CAP1: variants seen among roughly 807,000 people sequenced by gnomAD.
The protein encoded by CAP1 is cyclase associated actin cytoskeleton regulatory protein 1, also known as adenylyl cyclase-associated protein 1.
CAP1 carries 11 observed loss-of-function variants against 58.2 expected under a neutral mutation model. That is an observed-to-expected ratio of 0.19 (90% CI 0.12 to 0.31). The LOEUF is 0.31. CAP1 is among the 10% of genes least tolerant of loss of function. The pLI, the probability that CAP1 is intolerant of heterozygous loss-of-function variation, is 1.00. For synonymous variants in CAP1, 183 were observed against 213.8 expected (o/e 0.86, Z 1.26); for missense variants, 423 against 587.5 (o/e 0.72, Z 2.89).
chr1:40,053,275 A>G (rs1646463291), intron 1 of CAP1, among the ~76,000 whole-genome samples: 1 of 152,204 alleles, frequency 6.6e-6, no homozygotes, highest in Admixed American at 6.6e-5. Context: ...GACACCATAA[A>G]GAGACCTTGA....
chr1:40,058,219 C>T (rs1486611179), intron 1 of CAP1, among the ~76,000 whole-genome samples: 1 of 152,180 alleles, frequency 6.6e-6, no homozygotes, highest in Non-Finnish European at 1.5e-5. Context: ...TTCCCTACTG[C>T]ATGTCCAGAT....
chr1:40,040,862 GTGT>G (rs1261031759), intron 1 of CAP1, 61 bp downstream of exon 1: 1 of 152,852 alleles, frequency 6.5e-6, no homozygotes, highest in Non-Finnish European at 1.5e-5. Context: ...GCCCCTGGTG[GTGT>G]TAATGGCCCT....
At chr1:40,054,019 G>A (rs1048847188) in intron 1 of CAP1, among the ~76,000 whole-genome samples, 6 of 152,094 alleles carry the variant, frequency 3.9e-5, no homozygotes, top group Non-Finnish European at 7.4e-5. Context: ...TTGAAAGACA[G>A]GAGGGTTTGT....
At chr1:40,051,361 GCA>G (rs1646356018) in intron 1 of CAP1, among the ~76,000 whole-genome samples, 1 of 150,532 alleles carries the variant, frequency 6.6e-6, no homozygotes, top group Non-Finnish European at 1.5e-5. Flanking sequence ...ACTAGCCTGA[GCA>G]ACATAGTGAG....
chr1:40,051,348 G>T (rs1305091298), intron 1 of CAP1, among the ~76,000 whole-genome samples: 5 of 151,998 alleles, frequency 3.3e-5, no homozygotes, highest in Non-Finnish European at 5.9e-5. Context: ...CCAGGAGTTT[G>T]AGACTAGCCT....
In CAP1 at chr1:40,071,836, G is replaced by A; in HGVS notation, c.*303G>A. 1 of 465,952 alleles carries A rather than the reference G, an allele frequency of 2.1e-6. No individual in the cohort carries two copies. The highest frequency in any genetic ancestry group is 3.8e-6 in the Non-Finnish European group (1 of 263,500). 28.9% of individuals were successfully genotyped at this position (465,952 alleles called of 1,614,324 possible). On this transcript the variant is annotated 3_prime_UTR_variant, in exon 13 of 13. Coordinates refer to ENST00000372805, the MANE Select transcript of CAP1 (RefSeq NM_006367.4). ...GCATTTTAGCTTTGAGCTTTTGGGGGTTATTCTACCAACAAACAGTCCATT... is the reference window on the plus strand; with the variant it reads ...GCATTTTAGCTTTGAGCTTTTGGGGATTATTCTACCAACAAACAGTCCATT...
intron 1 of CAP1, among the ~76,000 whole-genome samples, chr1:40,048,984 A>C (rs1403025578): frequency 6.6e-6 from 1 of 152,154 alleles, no homozygotes; most frequent in Non-Finnish European, 1.5e-5. Flanking sequence ...CATTTCAAGC[A>C]TAGCAACTTC....
Position 40,064,384 on chromosome 1 carries a change from A to T in CAP1, c.438+14A>T. ...TGGGTGGCTATGGTGAGCAGCGCAG[A>T]TTCCAGGGCTGGGGGTGGGTATAGA... On this transcript the variant is annotated intron_variant, in intron 5 of 12. Coordinates refer to ENST00000372805, the MANE Select transcript of CAP1 (RefSeq NM_006367.4). 2 of 1,614,080 alleles carry T rather than the reference A, an allele frequency of 1.2e-6. No individual in the cohort carries two copies. Among genetic ancestry groups the T allele is most frequent in the South Asian group, 2.2e-5 (2 of 91,082 alleles).
intron 4 of CAP1, among the ~76,000 whole-genome samples, chr1:40,062,773 T>TGTGTGTGTGTGTGTG (rs111329903): frequency 2.1e-5 from 3 of 145,526 alleles, no homozygotes; most frequent in African/African-American, 7.6e-5. Flanking sequence ...TCAAAAAACA[T>TGTGTGTGTGTGTGTG]TGTGTGTGTG....
chr1:40,059,032 T>TTTTTTTTTTTTTTTTTTTTTTTTTTTTAG (rs1553163419), intron 1 of CAP1, among the ~76,000 whole-genome samples: 1 of 152,134 alleles, frequency 6.6e-6, no homozygotes, highest in African/African-American at 2.4e-5. Flanking sequence ...TCTAACTTTC[T>TTTTTTTTTTTTTTTTTTTTTTTTTTTTAG]ACACACAGTA....
At chr1:40,046,848 C>G (rs969190661) in intron 1 of CAP1, among the ~76,000 whole-genome samples, 6 of 151,660 alleles carry the variant, frequency 4.0e-5, no homozygotes, top group African/African-American at 1.5e-4. Context: ...TCTTGGCTCA[C>G]TGCAACCCCC....
Position 40,061,659 on chromosome 1 carries a change from A to G in CAP1, c.217-76A>G, listed in dbSNP as rs1014499331. 6.9e-6 allele frequency: 8 copies of G among 1,165,868 alleles called. No homozygotes were observed. The African/African-American group carries it at 1.2e-4, about 18-fold the overall frequency. The allele number at this position is 1,165,868 out of a possible 1,614,324, so 72.2% of individuals were successfully genotyped here. A position where few individuals can be genotyped will look rare whatever the true frequency, so the allele number is the denominator to read the frequency against. The stretch of plus-strand genomic sequence containing the variant: ...GGTTGCTATCAGAGTACATGGAAGT[A>G]GAGGTTTCAGGTTATTCTTATCAAG... On this transcript the variant is annotated intron_variant, in intron 3 of 12. Transcript: ENST00000372805.
At position 40,070,859 on chromosome 1, in the gene CAP1, A is replaced by G; in HGVS notation, c.1224A>G (p.Ile408Met). Reference sequence around the variant, plus strand: ...AGGTAATGGGTAAAGTGCCAACCATATCCATCAACAAAACAGATGGCTGCC... The same window carrying G: ...AGGTAATGGGTAAAGTGCCAACCATGTCCATCAACAAAACAGATGGCTGCC... Reference protein sequence around the residue: ...KVQVMGKVPTISINKTDGCHA... With the variant: ...KVQVMGKVPTMSINKTDGCHA... The change falls in exon 12 of 13, where the codon ATA (isoleucine) becomes ATG (methionine). Residue 408 changes from isoleucine to methionine, a missense_variant. By Grantham distance (10) the Ile-to-Met change is conservative (BLOSUM62 1). Coordinates refer to ENST00000372805, the MANE Select transcript of CAP1 (RefSeq NM_006367.4). The G allele has an allele frequency of 6.2e-7, 1 of 1,613,008 alleles. No homozygotes were observed. Among genetic ancestry groups the G allele is most frequent in the South Asian group, 1.1e-5 (1 of 91,028 alleles).
intron 6 of CAP1, 89 bp downstream of exon 6, chr1:40,064,648 C>G: frequency 5.2e-6 from 5 of 964,152 alleles, no homozygotes; most frequent in Non-Finnish European, 8.3e-6. Flanking sequence ...ACAATCACAG[C>G]TCATTGCAGC....
At chr1:40,046,430 G>A (rs546481024) in intron 1 of CAP1, among the ~76,000 whole-genome samples, 10 of 152,006 alleles carry the variant, frequency 6.6e-5, no homozygotes, top group East Asian at 3.9e-4. Context: ...CATGATCTGC[G>A]CCAGCTTGGG....
In CAP1 at chr1:40,070,892, C is replaced by T; in HGVS notation, c.1257C>T (p.Tyr419=). 1 of 1,613,630 alleles carries T rather than the reference C, an allele frequency of 6.2e-7. No homozygotes were observed. Among genetic ancestry groups the T allele is most frequent in the Middle Eastern group, 1.7e-4 (1 of 5,972 alleles). Residue 419 remains tyrosine (Y), a synonymous_variant, in exon 12 of 13, where the codon TAC becomes TAT. Transcript: ENST00000372805. ...ACAAAACAGATGGCTGCCATGCTTACCTGAGCAAGAATTCCCTGGATTGTG... is the reference window on the plus strand; with the variant it reads ...ACAAAACAGATGGCTGCCATGCTTATCTGAGCAAGAATTCCCTGGATTGTG... The part of the protein sequence containing the change: ...SINKTDGCHA[Y]LSKNSLDCEI...
At chr1:40,051,977 A>T (rs1646394958) in intron 1 of CAP1, among the ~76,000 whole-genome samples, 1 of 152,174 alleles carries the variant, frequency 6.6e-6, no homozygotes, top group African/African-American at 2.4e-5. Context: ...CTTAACCAAT[A>T]TGAGTGCTTC....
At chr1:40,055,281 C>T (rs1646562101) in intron 1 of CAP1, among the ~76,000 whole-genome samples, 1 of 152,114 alleles carries the variant, frequency 6.6e-6, no homozygotes, top group African/African-American at 2.4e-5. Context: ...GAGAGAAACC[C>T]TTGTTTGGAC....
intron 5 of CAP1, 41 bp from the exon 6 acceptor site, chr1:40,064,432 GT>G: frequency 6.2e-7 from 1 of 1,611,978 alleles, no homozygotes; most frequent in Middle Eastern, 1.7e-4. Context: ...AGGCAATATA[GT>G]TGGAGAGGTC....
Sources: allele counts gnomAD v4.1 joint callset (sites outside exome capture counted in the v4.1 genomes callset), GRCh38; gene constraint gnomAD v4.1.1; transcripts MANE v1.5; gene names NCBI Gene and HGNC (gene_info 2026-07-23, HGNC 2026-07-21).